Variants in RGL1 observed in about 807,000 individuals in gnomAD.
The protein encoded by RGL1 is ral guanine nucleotide dissociation stimulator-like 1.
Under a neutral mutation model 95.2 loss-of-function variants are expected in RGL1, and 24 were observed. The observed-to-expected ratio is 0.25, with a 90% CI of 0.18 to 0.35. The LOEUF is 0.35. RGL1 is among the 10% of genes least tolerant of loss of function. The pLI, the probability that RGL1 is intolerant of heterozygous loss-of-function variation, is 1.00. For missense variants in RGL1, 715 were observed against 936.3 expected (o/e 0.76, Z 3.08); for synonymous variants, 329 against 344.9 (o/e 0.95, Z 0.51).
intron 1 of RGL1, among the ~76,000 whole-genome samples, chr1:183,665,971 A>C (rs1173325641): frequency 6.7e-6 from 1 of 150,156 alleles, no homozygotes; most frequent in African/African-American, 2.4e-5. Context: ...CTAGAGTGAA[A>C]GCCTAGATGA....
chr1:183,774,946 C>T (rs974451525), intron 2 of RGL1, among the ~76,000 whole-genome samples: 1 of 152,156 alleles, frequency 6.6e-6, no homozygotes, highest in Non-Finnish European at 1.5e-5. Flanking sequence ...AACTGAAACT[C>T]ACCAGATCAC....
intron 11 of RGL1, among the ~76,000 whole-genome samples, chr1:183,901,099 G>C (rs1343139984): frequency 6.6e-6 from 1 of 151,888 alleles, no homozygotes; most frequent in Admixed American, 6.6e-5. Context: ...AGGAGTTCGA[G>C]ACCACCCTGG....
chr1:183,883,025 G>T (rs1048916461), intron 5 of RGL1, among the ~76,000 whole-genome samples: 1 of 152,164 alleles, frequency 6.6e-6, no homozygotes, highest in African/African-American at 2.4e-5. Context: ...AAGGTTCCAG[G>T]AAAGGAAGGC....
intron 3 of RGL1, among the ~76,000 whole-genome samples, chr1:183,849,483 G>GTTTTTTTTTTTTTTTTTTTTT (rs1418103960): frequency 1.7e-5 from 2 of 120,856 alleles, no homozygotes; most frequent in Admixed American, 1.0e-4. Flanking sequence ...CCAGTTTTTA[G>GTTTTTTTTTTTTTTTTTTTTT]TTTTTTTTTT....
intron 1 of RGL1, among the ~76,000 whole-genome samples, chr1:183,707,099 G>A (rs1242093953): frequency 2.6e-5 from 4 of 152,294 alleles, no homozygotes; most frequent in Admixed American, 2.6e-4. Flanking sequence ...CAATCATGTG[G>A]TCTTGATGGC....
chr1:183,705,212 A>T (rs1217652418), intron 1 of RGL1, among the ~76,000 whole-genome samples: 1 of 151,990 alleles, frequency 6.6e-6, no homozygotes, highest in Non-Finnish European at 1.5e-5. Context: ...TAGAAAAGAG[A>T]TAATTTCTTG....
At chr1:183,890,379 T>C (rs1289183931) in intron 8 of RGL1, among the ~76,000 whole-genome samples, 2 of 152,206 alleles carry the variant, frequency 1.3e-5, no homozygotes, top group African/African-American at 2.4e-5. Context: ...TTATTCTAGC[T>C]GGCTTTTAAA....
intron 2 of RGL1, among the ~76,000 whole-genome samples, chr1:183,845,538 C>T (rs944397984): frequency 6.6e-5 from 10 of 152,266 alleles, no homozygotes; most frequent in Admixed American, 5.2e-4. Flanking sequence ...AGCTGCTTCT[C>T]GTGAGTAAAT....
chr1:183,755,494 T>C (rs1658267837), intron 2 of RGL1, among the ~76,000 whole-genome samples: 1 of 152,084 alleles, frequency 6.6e-6, no homozygotes, highest in African/African-American at 2.4e-5. Flanking sequence ...ATGACAAATA[T>C]CTTTATATAA....
At chr1:183,750,329 C>A (rs1008157604) in intron 2 of RGL1, among the ~76,000 whole-genome samples, 1 of 152,120 alleles carries the variant, frequency 6.6e-6, no homozygotes, top group Non-Finnish European at 1.5e-5. Flanking sequence ...TCTCTAATAT[C>A]CTTTCTTCTG....
intron 10 of RGL1, among the ~76,000 whole-genome samples, chr1:183,898,683 T>C (rs1307703944): frequency 6.6e-6 from 1 of 152,238 alleles, no homozygotes; most frequent in Non-Finnish European, 1.5e-5. Flanking sequence ...ACAAACTTTT[T>C]TGGTTGTTCA....
chr1:183,760,172 A>T (rs551493501), intron 2 of RGL1, among the ~76,000 whole-genome samples: 15 of 152,310 alleles, frequency 9.8e-5, no homozygotes, highest in African/African-American at 3.6e-4. Context: ...ATCTTAATTT[A>T]AAAATACTGT....
chr1:183,899,915 T>C (rs183372658), intron 10 of RGL1, among the ~76,000 whole-genome samples: 223 of 152,348 alleles, frequency 1.5e-3, no homozygotes, highest in African/African-American at 4.9e-3. Context: ...TTTGAACAGA[T>C]GTGTATGATC....
rs1669356711 is a variant in RGL1 at position 183,922,355 on chromosome 1, C to T, written c.2119+19C>T. 17 of 1,579,190 alleles carry T rather than the reference C, an allele frequency of 1.1e-5. No homozygotes were observed. The highest frequency in any genetic ancestry group is 1.4e-5 in the Non-Finnish European group (16 of 1,150,660). Reference sequence around the variant, plus strand: ...GACAAAGGTGGGCATCCTTCCGAGACAGGCATGTTCCTTCCCAGGGCAGGT... The same window carrying T: ...GACAAAGGTGGGCATCCTTCCGAGATAGGCATGTTCCTTCCCAGGGCAGGT... On this transcript the variant is annotated intron_variant, in intron 17 of 17. Transcript: ENST00000360851.
intron 1 of RGL1, among the ~76,000 whole-genome samples, chr1:183,696,793 T>A (rs1481083103): frequency 6.6e-6 from 1 of 152,204 alleles, no homozygotes; most frequent in African/African-American, 2.4e-5. Context: ...GGTCTTTCTC[T>A]CACATCTTTC....
At chr1:183,915,982 C>A (rs748176150) in intron 15 of RGL1, among the ~76,000 whole-genome samples, 83 of 152,158 alleles carry the variant, frequency 5.5e-4, no homozygotes, top group Non-Finnish European at 7.6e-4. Flanking sequence ...AATGCAGAGC[C>A]GTATAATCTG....
At chr1:183,832,664 GCTT>G (rs1663341154) in intron 2 of RGL1, among the ~76,000 whole-genome samples, 1 of 152,180 alleles carries the variant, frequency 6.6e-6, no homozygotes, top group Non-Finnish European at 1.5e-5. Flanking sequence ...GGTCCAGACT[GCTT>G]GAATTTGAAT....
intron 3 of RGL1, among the ~76,000 whole-genome samples, chr1:183,854,959 A>G (rs1251365181): frequency 6.6e-6 from 1 of 152,178 alleles, no homozygotes; most frequent in Non-Finnish European, 1.5e-5. Flanking sequence ...TCTTTCTTCA[A>G]GGCATTTATT....
At chr1:183,857,714 A>G (rs1358069906) in intron 3 of RGL1, among the ~76,000 whole-genome samples, 1 of 152,188 alleles carries the variant, frequency 6.6e-6, no homozygotes, top group Non-Finnish European at 1.5e-5. Context: ...ATTATATCCA[A>G]CCATAATTAC....
Sources: allele counts gnomAD v4.1 joint callset (sites outside exome capture counted in the v4.1 genomes callset), GRCh38; gene constraint gnomAD v4.1.1; transcripts MANE v1.5; gene names NCBI Gene and HGNC (gene_info 2026-07-23, HGNC 2026-07-21).